PITX1: variants seen among roughly 807,000 people sequenced by gnomAD.
PITX1 encodes paired like homeodomain 1.
A neutral mutation model predicts 24.1 loss-of-function variants in PITX1; 5 were observed. The observed-to-expected ratio is 0.21, with a 90% confidence interval of 0.11 to 0.44. The LOEUF (loss-of-function observed/expected upper bound fraction) is 0.44. PITX1 is among the 20% of genes least tolerant of loss of function. The pLI, the probability that PITX1 is intolerant of heterozygous loss-of-function variation, is 0.99. For synonymous variants in PITX1, 213 were observed against 208.9 expected (o/e 1.02, Z -0.17); for missense variants, 401 against 455.4 (o/e 0.88, Z 1.09).
rs2149559564 is a variant in PITX1 at position 135,029,067 on chromosome 5, G to A, written c.657C>T (p.Ser219=). 4.3e-6 allele frequency: 7 copies of A among 1,614,244 alleles called. No homozygotes were observed. In the African/African-American group the frequency reaches 6.7e-5, roughly 15 times the overall value. ...TGGACGGCATGGTCATGGAGGAGAT[G>A]GAGCTGGGTGCTGAGAACATGGACT... The part of the protein sequence containing the change: ...SSQSMFSAPS[S]ISSMTMPSSM... Residue 219 remains serine (S), a synonymous_variant, in exon 3 of 3, where the codon TCC becomes TCT. Coordinates refer to ENST00000265340, the MANE Select transcript of PITX1 (RefSeq NM_002653.5).
At position 135,029,208 on chromosome 5, in the gene PITX1, C is replaced by T; in HGVS notation, c.516G>A (p.Glu172=). The T allele has an allele frequency of 6.2e-7, 1 of 1,614,194 alleles. No homozygotes were observed. Among genetic ancestry groups the T allele is most frequent in the Non-Finnish European group, 8.5e-7 (1 of 1,180,028 alleles). Residue 172 remains glutamate (E), a synonymous_variant, in exon 3 of 3, where the codon GAG becomes GAA. Transcript: ENST00000265340. The part of the protein sequence containing the change: ...PQFSGLVQPY[E]DVYAAGYSYN... Reference sequence around the variant, plus strand: ...AGGAGTAGCCGGCGGCGTACACGTCCTCGTAGGGCTGCACTAGGCCGCTGA... The same window carrying T: ...AGGAGTAGCCGGCGGCGTACACGTCTTCGTAGGGCTGCACTAGGCCGCTGA...
chr5:135,031,218 C>G, intron 2 of PITX1, 58 bp downstream of exon 2: 1 of 1,335,000 alleles, frequency 7.5e-7, no homozygotes, highest in Non-Finnish European at 1.1e-6. Flanking sequence ...AGGGCTGCAG[C>G]AGAGGCGGCC....
chr5:135,033,856 C>G lies in PITX1; in HGVS notation c.26G>C (p.Ser9Thr). 1 of 1,488,334 alleles carries G rather than the reference C, an allele frequency of 6.7e-7. No homozygotes were observed. The highest frequency in any genetic ancestry group is 8.9e-7 in the Non-Finnish European group (1 of 1,128,842). 92.2% of individuals were successfully genotyped at this position (1,488,334 alleles called of 1,614,324 possible). A position where few individuals can be genotyped will look rare whatever the true frequency, so the allele number is the denominator to read the frequency against. ...GAGCCCCTCCGGCAGCCGCTCCAGGCTCATGCCCCCCTTGAAGGCGTCCAT... is the reference window on the plus strand; with the variant it reads ...GAGCCCCTCCGGCAGCCGCTCCAGGGTCATGCCCCCCTTGAAGGCGTCCAT... MDAFKGGM[S>T]LERLPEGLRP... The change falls in exon 1 of 3, where the codon AGC becomes ACC. Residue 9 changes from serine (S) to threonine (T), a missense_variant. Ser to Thr is a moderately conservative substitution (Grantham distance 58, BLOSUM62 1). Around this residue, in one of 3 missense-constraint regions of PITX1, gnomAD observed 136 missense variants for 133.3 expected, o/e 1.02. Coordinates refer to ENST00000265340, the MANE Select transcript of PITX1 (RefSeq NM_002653.5). The surrounding 1 kb of genome is among the most constrained non-coding windows in gnomAD (Gnocchi z 5.9).
rs778899034 is a variant in PITX1, at chr5:135,028,785, G to A, written c.939C>T (p.Asn313=). 1 of 1,594,992 alleles carries A rather than the reference G, an allele frequency of 6.3e-7. No homozygotes were observed. The highest frequency in any genetic ancestry group is 8.5e-7 in the Non-Finnish European group (1 of 1,171,660). Residue 313 remains asparagine, a synonymous_variant, in exon 3 of 3, where the codon AAC becomes AAT. Transcript: ENST00000265340. ...GCGTGGTGCGGCGGGGCGGTCAGCT[G>A]TTGTACTGGCACGCGTTGAGGCCCG... ...PASGLNACQY[N]S is the part of the protein sequence containing the mutation.
At chr5:135,029,363 C>A in intron 2 of PITX1, 42 bp from the exon 3 acceptor site, 1 of 1,502,886 alleles carries the variant, frequency 6.7e-7, no homozygotes, top group African/African-American at 1.4e-5. Context: ...CGCTGCGGGC[C>A]GGGAGGGACC....
rs1192736152 is a variant in PITX1 at position 135,031,499 on chromosome 5, C to T, written c.179G>A (p.Arg60His). The part of the protein sequence containing the change: ...SSDTELPEKE[R>H]GGEPKGPEDS... ...CTCGGGCCCCTTGGGTTCCCCGCCG[C>T]GCTCCTTCTCTGCAGTAGGCAGGAC... The change falls in exon 2 of 3, where the codon CGC becomes CAC. Residue 60 changes from arginine (R) to histidine (H), a missense_variant. Physicochemically the swap from Arg to His is conservative, Grantham distance 29 (BLOSUM62 0). This residue lies in a region of PITX1 where 136 missense variants were observed against 133.3 expected (regional missense o/e 1.02). Coordinates refer to ENST00000265340, the MANE Select transcript of PITX1 (RefSeq NM_002653.5). 2.5e-5 allele frequency: 40 copies of T among 1,610,972 alleles called. No homozygotes were observed. Among genetic ancestry groups the T allele is most frequent in the Non-Finnish European group, 3.1e-5 (37 of 1,179,522 alleles).
At chr5:135,032,996 C>T (rs1752483333) in intron 1 of PITX1, 3 of 450,608 alleles carry the variant, frequency 6.7e-6, no homozygotes, top group South Asian at 1.6e-5. Context: ...CACCCGCGGG[C>T]CCAGTTCGCT....
chr5:135,034,684 C>T (rs1752541734), upstream of PITX1: 1 of 152,328 alleles, frequency 6.6e-6, no homozygotes, highest in Admixed American at 6.5e-5. Context: ...AACAGGATCG[C>T]ACCGAGCGGG....
At position 135,033,661 on chromosome 5, in the gene PITX1, T is replaced by C; in HGVS notation, c.169+52A>G. ...GTCAGGCCCTGCTCCCAGCTCCCCG[T>C]GCTCCGCGCCCGGGTAGGCTCTGTG... On this transcript the variant is annotated intron_variant, in intron 1 of 2. Transcript: ENST00000265340. The surrounding 1 kb of genome is among the most constrained non-coding windows in gnomAD (Gnocchi z 5.9). 7 of 1,568,374 alleles carry C rather than the reference T, an allele frequency of 4.5e-6. No individual in the cohort carries two copies. The South Asian group carries it at 6.8e-5, about 15-fold the overall frequency.
Position 135,029,364 on chromosome 5 carries a change from G to A in PITX1, c.403-43C>T, listed in dbSNP as rs756562885. 17 of 1,501,674 alleles carry A rather than the reference G, an allele frequency of 1.1e-5. 1 individual carries two copies. The East Asian group carries it at 2.7e-4, about 24-fold the overall frequency. 93.0% of individuals were successfully genotyped at this position (1,501,674 alleles called of 1,614,324 possible). ...AGAAGGGTCAGGGCCGCTGCGGGCC[G>A]GGAGGGACCCCACCCCCTTCCCCAC... On this transcript the variant is annotated intron_variant, in intron 2 of 2. Transcript: ENST00000265340.
rs770286311 is a variant in PITX1 at position 135,033,095 on chromosome 5, C to G, written c.169+618G>C. 4 of 401,944 alleles carry G rather than the reference C, an allele frequency of 1.0e-5. No individual in the cohort carries two copies. Among genetic ancestry groups the G allele is most frequent in the Non-Finnish European group, 5.0e-6 (1 of 201,988 alleles). 24.9% of individuals were successfully genotyped at this position (401,944 alleles called of 1,614,324 possible). A position where few individuals can be genotyped will look rare whatever the true frequency, so the allele number is the denominator to read the frequency against. ...GGCGGGGGCCAGAGCCGGGCTGCTC[C>G]GGGCTTCGGCCGCGCACGTGGGCCG... On this transcript the variant is annotated intron_variant, in intron 1 of 2. Coordinates refer to ENST00000265340, the MANE Select transcript of PITX1 (RefSeq NM_002653.5). The surrounding 1 kb of genome is among the most constrained non-coding windows in gnomAD (Gnocchi z 5.9).
upstream of PITX1, chr5:135,034,318 G>A (rs1430030903): frequency 2.0e-5 from 3 of 151,188 alleles, no homozygotes; most frequent in African/African-American, 7.3e-5. Context: ...GCTGGGGAGG[G>A]AGCGAGCGAG....
Position 135,027,900 on chromosome 5 carries a change from T to C in PITX1, c.*879A>G, listed in dbSNP as rs1752374057. ...AGGGCCCTGGGGCCGCGCCCCTTGC[T>C]CTGCCGGCTCGACTCTTGCACGGCG... On this transcript the variant is annotated 3_prime_UTR_variant, in exon 3 of 3. Coordinates refer to ENST00000265340, the MANE Select transcript of PITX1 (RefSeq NM_002653.5). 6.6e-6 allele frequency: 1 copy of C among 152,368 alleles called. No homozygotes were observed. Among genetic ancestry groups the C allele is most frequent in the Non-Finnish European group, 1.5e-5 (1 of 68,028 alleles). 9.4% of individuals were successfully genotyped at this position (152,368 alleles called of 1,614,324 possible).
rs1184998883 is a variant in PITX1 at position 135,028,266 on chromosome 5, G to A, written c.*513C>T. 1.3e-5 allele frequency: 2 copies of A among 152,326 alleles called. No homozygotes were observed. The highest frequency in any genetic ancestry group is 1.3e-4 in the Admixed American group (2 of 15,294). 9.4% of individuals were successfully genotyped at this position (152,326 alleles called of 1,614,324 possible). A position where few individuals can be genotyped will look rare whatever the true frequency, so the allele number is the denominator to read the frequency against. On this transcript the variant is annotated 3_prime_UTR_variant, in exon 3 of 3. Coordinates refer to ENST00000265340, the MANE Select transcript of PITX1 (RefSeq NM_002653.5). Reference sequence around the variant, plus strand: ...CTCTCGGCCGGGCCTAGCTCGGAGAGGGCAACTTGGTTTGTACGGGGTCGG... The same window carrying A: ...CTCTCGGCCGGGCCTAGCTCGGAGAAGGCAACTTGGTTTGTACGGGGTCGG...
In PITX1 at chr5:135,028,911, G is replaced by A. The variant is rs1295504820; in HGVS notation, c.813C>T (p.Tyr271=). Residue 271 remains tyrosine, a synonymous_variant, in exon 3 of 3, where the codon TAC becomes TAT. Coordinates refer to ENST00000265340, the MANE Select transcript of PITX1 (RefSeq NM_002653.5). ...AGTTGCACGTGTCCCGGTAGACGCT[G>A]TAGGGCGAGGCGGGAGTGCCGTACG... ...ACPYGTPASP[Y]SVYRDTCNSS... is the part of the protein sequence containing the mutation. 1.2e-6 allele frequency: 2 copies of A among 1,613,924 alleles called. No individual in the cohort carries two copies. Among genetic ancestry groups the A allele is most frequent in the South Asian group, 2.2e-5 (2 of 91,084 alleles).
intron 2 of PITX1, among the ~76,000 whole-genome samples, chr5:135,030,158 G>A (rs1159503879): frequency 9.9e-5 from 15 of 151,038 alleles, no homozygotes; most frequent in Non-Finnish European, 2.2e-4. Flanking sequence ...GAACCTCCTA[G>A]TCCTCCCCCA....
rs894876676 is a variant in PITX1, at chr5:135,033,192, C to G, written c.169+521G>C. ...CGCCTGTTGGCCCGCTCGCCCTCAC[C>G]GTCCTCTGTGTCTCCCTTCTACTTG... is the stretch of plus-strand genomic sequence containing the variant. On this transcript the variant is annotated intron_variant, in intron 1 of 2. Coordinates refer to ENST00000265340, the MANE Select transcript of PITX1 (RefSeq NM_002653.5). The surrounding 1 kb of genome is among the most constrained non-coding windows in gnomAD (Gnocchi z 5.9). 1.6e-5 allele frequency: 5 copies of G among 319,712 alleles called. No individual in the cohort carries two copies. Among genetic ancestry groups the G allele is most frequent in the Non-Finnish European group, 2.4e-5 (4 of 164,060 alleles). 19.8% of individuals were successfully genotyped at this position (319,712 alleles called of 1,614,324 possible). A position where few individuals can be genotyped will look rare whatever the true frequency, so the allele number is the denominator to read the frequency against.
chr5:135,029,412 C>T, intron 2 of PITX1, 91 bp from the exon 3 acceptor site: 2 of 1,030,342 alleles, frequency 1.9e-6, no homozygotes, highest in Non-Finnish European at 2.9e-6. Flanking sequence ...TCCGTCGGCC[C>T]GCTGCCCTCC....
At position 135,034,080 on chromosome 5, in the gene PITX1, C is replaced by A; in HGVS notation, c.-199G>T. The A allele has an allele frequency of 5.5e-6, 1 of 182,100 alleles. No individual in the cohort carries two copies. The highest frequency in any genetic ancestry group is 1.9e-4 in the South Asian group (1 of 5,130). The allele number at this position is 182,100 out of a possible 1,614,324, so 11.3% of individuals were successfully genotyped here. A position where few individuals can be genotyped will look rare whatever the true frequency, so the allele number is the denominator to read the frequency against. On this transcript the variant is annotated 5_prime_UTR_variant, in exon 1 of 3. Transcript: ENST00000265340. ...GCGGGCAGAGGCGGCGGCAGCTTCTCGCGACTGGGCGCCTGGCTCAGCGCT... is the reference window on the plus strand; with the variant it reads ...GCGGGCAGAGGCGGCGGCAGCTTCTAGCGACTGGGCGCCTGGCTCAGCGCT...
Sources: allele counts gnomAD v4.1 joint callset (sites outside exome capture counted in the v4.1 genomes callset), GRCh38; gene constraint gnomAD v4.1.1; regional missense constraint gnomAD v4.1.1; non-coding constraint Gnocchi (gnomAD v3.1); transcripts MANE v1.5; gene names NCBI Gene and HGNC (gene_info 2026-07-23, HGNC 2026-07-21).